Variants in FHIT observed in about 807,000 individuals in gnomAD.
The protein encoded by FHIT is fragile histidine triad diadenosine triphosphatase.
Under a neutral mutation model 17.9 loss-of-function variants are expected in FHIT, and 19 were observed. The observed-to-expected ratio is 1.06, with a 90% CI of 0.74 to 1.56. The LOEUF (loss-of-function observed/expected upper bound fraction) is 1.56. Ranked by LOEUF, FHIT falls within the 40% of genes most tolerant of loss-of-function variation. FHIT has a pLI of 0.00. For missense variants in FHIT, 248 were observed against 189.2 expected, an observed-to-expected ratio of 1.31 and a Z score of -1.82; for synonymous variants, 81 against 69.7, an observed-to-expected ratio of 1.16 and a Z score of -0.81.
At chr3:60,911,772 G>A (rs186965612) in intron 3 of FHIT, among the ~76,000 whole-genome samples, 57 of 152,248 alleles carry the variant, frequency 3.7e-4, no homozygotes, top group Middle Eastern at 3.4e-3. Flanking sequence ...AACAGTAGTA[G>A]CTTCTGTCTG....
chr3:60,765,089 A>G (rs1359229084), intron 4 of FHIT, among the ~76,000 whole-genome samples: 1 of 152,186 alleles, frequency 6.6e-6, no homozygotes, highest in Non-Finnish European at 1.5e-5. Flanking sequence ...AAGCTCATAG[A>G]AAAAAGACTG....
intron 4 of FHIT, among the ~76,000 whole-genome samples, chr3:60,712,188 G>A (rs1369907416): frequency 6.6e-6 from 1 of 152,114 alleles, no homozygotes; most frequent in African/African-American, 2.4e-5. Flanking sequence ...AGCTTCATAA[G>A]TGAAGGAGAA....
At chr3:60,534,295 C>T (rs2035896765) in intron 5 of FHIT, among the ~76,000 whole-genome samples, 3 of 149,222 alleles carry the variant, frequency 2.0e-5, no homozygotes, top group South Asian at 2.2e-4. Flanking sequence ...TAGCCGGGCG[C>T]GGTGGCGGGC....
rs1041964833 is a variant in FHIT, at chr3:60,388,612, C to A, written c.103+148248G>T. ...ACCCAATCTCCAAACAAAACGAAAC[C>A]ACCACACAAGACCTAAACCTGATAT... On this transcript the variant is annotated intron_variant, in intron 5 of 9. Coordinates refer to ENST00000492590, the MANE Select transcript of FHIT (RefSeq NM_002012.4). Among the ~76,000 whole-genome samples the A allele has an allele frequency of 2.0e-5, 3 of 152,064 alleles. No homozygotes were observed. The South Asian group carries it at 6.2e-4, about 32-fold the overall frequency.
chr3:60,099,921 C>A (rs1704121488), intron 5 of FHIT, among the ~76,000 whole-genome samples: 2 of 152,160 alleles, frequency 1.3e-5, no homozygotes, highest in African/African-American at 4.8e-5. Context: ...CGTGAATGAA[C>A]ATCTTTCATG....
intron 4 of FHIT, among the ~76,000 whole-genome samples, chr3:60,737,902 C>A (rs1207411053): frequency 1.3e-5 from 2 of 152,156 alleles, no homozygotes; most frequent in Admixed American, 6.5e-5. Context: ...TTACATAAGT[C>A]ATGAGCATTG....
chr3:60,178,521 G>A (rs1051710069), intron 5 of FHIT, among the ~76,000 whole-genome samples: 10 of 152,052 alleles, frequency 6.6e-5, no homozygotes, highest in Non-Finnish European at 1.0e-4. Context: ...TGGAGGCAGA[G>A]GTTGCAGTGA....
intron 5 of FHIT, among the ~76,000 whole-genome samples, chr3:60,368,621 C>A (rs188454935): frequency 6.6e-6 from 1 of 151,906 alleles, no homozygotes; most frequent in Non-Finnish European, 1.5e-5. Flanking sequence ...CTGTAGCTTG[C>A]CTTTTTATTT....
At chr3:60,333,480 T>A (rs1479150731) in intron 5 of FHIT, among the ~76,000 whole-genome samples, 3 of 152,150 alleles carry the variant, frequency 2.0e-5, no homozygotes, top group Non-Finnish European at 4.4e-5. Flanking sequence ...TGAACTGTTT[T>A]TTTTTTTGAA....
intron 5 of FHIT, among the ~76,000 whole-genome samples, chr3:60,244,038 G>C (rs963659062): frequency 2.0e-5 from 3 of 152,134 alleles, no homozygotes; most frequent in African/African-American, 7.2e-5. Flanking sequence ...CTACCACTTA[G>C]AGAAATTCAA....
Position 60,752,962 on chromosome 3 carries a change from G to A in FHIT, c.-18+68957C>T, listed in dbSNP as rs1016824585. ...TCGTGCTCCCAATTACATTACTTTCGACAGCCCTAAGAGAAGCAATATTTA... is the reference window on the plus strand; with the variant it reads ...TCGTGCTCCCAATTACATTACTTTCAACAGCCCTAAGAGAAGCAATATTTA... On this transcript the variant is annotated intron_variant, in intron 4 of 9. Coordinates refer to ENST00000492590, the MANE Select transcript of FHIT (RefSeq NM_002012.4). Among the ~76,000 whole-genome samples the A allele has an allele frequency of 4.6e-5, 7 of 152,036 alleles. No homozygotes were observed. In the East Asian group the frequency reaches 1.4e-3, roughly 29 times the overall value.
At chr3:60,837,542 T>A (rs1553744062) in intron 3 of FHIT, among the ~76,000 whole-genome samples, 2 of 152,172 alleles carry the variant, frequency 1.3e-5, no homozygotes, top group Non-Finnish European at 2.9e-5. Context: ...TCATATTTTT[T>A]AAACAATTCT....
At chr3:61,173,831 T>C (rs1480444643) in intron 2 of FHIT, among the ~76,000 whole-genome samples, 2 of 152,226 alleles carry the variant, frequency 1.3e-5, no homozygotes, top group African/African-American at 4.8e-5. Context: ...TCACTACTCT[T>C]TGCTTAAAGC....
intron 5 of FHIT, among the ~76,000 whole-genome samples, chr3:60,124,812 C>G (rs1705466453): frequency 6.6e-6 from 1 of 152,278 alleles, no homozygotes; most frequent in East Asian, 1.9e-4. Flanking sequence ...ATTACTGACT[C>G]TCTCGACTTT....
chr3:60,569,749 A>ATTT (rs1553654729), intron 4 of FHIT, among the ~76,000 whole-genome samples: 4 of 62,768 alleles, frequency 6.4e-5, no homozygotes, highest in African/African-American at 2.5e-4. Context: ...ATATATATAT[A>ATTT]TATATATTTT....
intron 5 of FHIT, among the ~76,000 whole-genome samples, chr3:60,288,318 G>A (rs1310707725): frequency 6.6e-6 from 1 of 152,112 alleles, no homozygotes; most frequent in Non-Finnish European, 1.5e-5. Context: ...ATAATACAAG[G>A]TGGGAGGAGA....
At chr3:61,230,280 C>T (rs1258622989) in intron 1 of FHIT, among the ~76,000 whole-genome samples, 2 of 152,150 alleles carry the variant, frequency 1.3e-5, no homozygotes, top group African/African-American at 4.8e-5. Flanking sequence ...TTAGCACTAT[C>T]CTCTTGGTGC....
chr3:61,003,563 C>A (rs539250036), intron 3 of FHIT, among the ~76,000 whole-genome samples: 2 of 152,182 alleles, frequency 1.3e-5, no homozygotes, highest in Non-Finnish European at 2.9e-5. Context: ...TATGACTGCT[C>A]TAGTACTGAG....
intron 4 of FHIT, among the ~76,000 whole-genome samples, chr3:60,564,405 G>A (rs1228413279): frequency 6.6e-6 from 1 of 152,148 alleles, no homozygotes; most frequent in Non-Finnish European, 1.5e-5. Flanking sequence ...ACAGATCAAG[G>A]AGGAATTCTG....
Sources: allele counts gnomAD v4.1 joint callset (sites outside exome capture counted in the v4.1 genomes callset), GRCh38; gene constraint gnomAD v4.1.1; transcripts MANE v1.5; gene names NCBI Gene and HGNC (gene_info 2026-07-23, HGNC 2026-07-21).